MORN1: variants seen among roughly 807,000 people sequenced by gnomAD.
MORN1 encodes the protein MORN repeat containing 1, also known as MORN repeat-containing protein 1.
MORN1 carries 67 observed loss-of-function variants against 61.9 expected under a neutral mutation model. The observed-to-expected ratio is 1.08, with a 90% confidence interval of 0.89 to 1.33. The LOEUF is 1.33. Ranked by LOEUF, MORN1 falls within the 40% of genes most tolerant of loss-of-function variation. The pLI, the probability that MORN1 is intolerant of heterozygous loss-of-function variation, is 0.00. For missense variants in MORN1, 752 were observed against 691.2 expected (o/e 1.09, Z -0.99); for synonymous variants, 301 against 292.0 (o/e 1.03, Z -0.31).
At chr1:2,374,874 C>T (rs1642200552) in intron 6 of MORN1, 2 of 295,092 alleles carry the variant, frequency 6.8e-6, no homozygotes, top group Non-Finnish European at 1.3e-5. Context: ...AAAAAAAATC[C>T]TTTTAATACA....
intron 10 of MORN1, among the ~76,000 whole-genome samples, chr1:2,347,660 G>T (rs1256543900): frequency 6.6e-6 from 1 of 152,160 alleles, no homozygotes; most frequent in Admixed American, 6.5e-5. Flanking sequence ...CCCCACCGTG[G>T]CTGCCCGTGC....
chr1:2,349,562 A>G (rs1641602071), intron 10 of MORN1, among the ~76,000 whole-genome samples: 1 of 152,214 alleles, frequency 6.6e-6, no homozygotes, highest in South Asian at 2.1e-4. Flanking sequence ...TGATTCCTAG[A>G]AAAAGAATTT....
At chr1:2,385,319 A>C in intron 5 of MORN1, 2 of 540,400 alleles carry the variant, frequency 3.7e-6, no homozygotes, top group East Asian at 3.2e-5. Context: ...CGCTACTCAA[A>C]ATGGGAAATG....
rs183676222 is a variant in MORN1, at chr1:2,355,339, G to C, written c.1036+2093C>G. On this transcript the variant is annotated intron_variant, in intron 10 of 13. Transcript: ENST00000378531. Reference sequence around the variant, plus strand: ...CCTTGGCCTCCCGTGGAGTGGCGCCGGGCCCTGCTGCCCCACCTGGGATGC... The same window carrying C: ...CCTTGGCCTCCCGTGGAGTGGCGCCCGGCCCTGCTGCCCCACCTGGGATGC... 547 of 1,514,794 alleles carry C rather than the reference G, an allele frequency of 3.6e-4. 7 individuals are homozygous for C. The East Asian group carries it at 0.01, about 29-fold the overall frequency. The allele number at this position is 1,514,794 out of a possible 1,614,324, so 93.8% of individuals were successfully genotyped here.
At chr1:2,325,032 T>A (rs72642143) in intron 12 of MORN1, among the ~76,000 whole-genome samples, 21,385 of 150,578 alleles carry the variant, frequency 0.14, 3,398 homozygotes, top group African/African-American at 0.39. Flanking sequence ...TGGCTCTGTG[T>A]GGACACCCAC....
chr1:2,341,451 G>A (rs12745300), intron 10 of MORN1, among the ~76,000 whole-genome samples: 30,300 of 152,180 alleles, frequency 0.2, 3,480 homozygotes, highest in Non-Finnish European at 0.27. Context: ...CCAGCACTTC[G>A]GGAGGCCAAA....
intron 13 of MORN1, chr1:2,322,982 C>T (rs903659183): frequency 1.0e-6 from 1 of 985,470 alleles, no homozygotes; most frequent in Non-Finnish European, 1.2e-6. Context: ...CATGGCTTAG[C>T]CCCAAGTGGC....
At chr1:2,385,521 G>A in intron 5 of MORN1, 1 of 324,390 alleles carries the variant, frequency 3.1e-6, no homozygotes. Flanking sequence ...TTTGCCGCCA[G>A]CCTGACGTTC....
At chr1:2,345,397 C>G (rs1373766533) in intron 10 of MORN1, among the ~76,000 whole-genome samples, 1 of 152,252 alleles carries the variant, frequency 6.6e-6, no homozygotes, top group East Asian at 1.9e-4. Context: ...TTGGGGGACA[C>G]AGGACAATTC....
chr1:2,345,516 C>T (rs1641493788), intron 10 of MORN1, among the ~76,000 whole-genome samples: 1 of 152,212 alleles, frequency 6.6e-6, no homozygotes, highest in African/African-American at 2.4e-5. Context: ...GCCCTGCCAG[C>T]CGGACCCTCA....
chr1:2,363,805 CA>C (rs1553217338), intron 8 of MORN1, among the ~76,000 whole-genome samples: 75 of 124,888 alleles, frequency 6.0e-4, no homozygotes, highest in East Asian at 3.9e-3. Flanking sequence ...AACAAACAAA[CA>C]AAAAAATATA....
At chr1:2,369,355 GAAAA>G (rs55703845) in intron 8 of MORN1, among the ~76,000 whole-genome samples, 3 of 80,634 alleles carry the variant, frequency 3.7e-5, no homozygotes, top group Non-Finnish European at 4.5e-5. Context: ...CTCAGTCTCA[GAAAA>G]AAAAAAAAAA....
At chr1:2,340,797 G>A (rs550027033) in intron 10 of MORN1, among the ~76,000 whole-genome samples, 5 of 151,984 alleles carry the variant, frequency 3.3e-5, no homozygotes, top group Admixed American at 1.3e-4. Flanking sequence ...CGCAGGGCAC[G>A]ATGAGGGCCG....
At chr1:2,374,606 TG>T in intron 6 of MORN1, 49 bp from the exon 7 acceptor site, 1 of 1,516,962 alleles carries the variant, frequency 6.6e-7, no homozygotes, top group Non-Finnish European at 9.0e-7. Flanking sequence ...AAGGGGCTTT[TG>T]TGGGTCCCCG....
intron 7 of MORN1, 59 bp downstream of exon 7, chr1:2,374,402 G>A (rs1156984681): frequency 1.4e-6 from 2 of 1,462,202 alleles, no homozygotes; most frequent in East Asian, 2.5e-5. Context: ...CTGCCCGGGG[G>A]CCAGGGACAC....
In MORN1 at chr1:2,389,914, A is replaced by G. The variant is rs1485993932; in HGVS notation, c.148+11T>C. On this transcript the variant is annotated intron_variant, in intron 2 of 13. Coordinates refer to ENST00000378531, the MANE Select transcript of MORN1 (RefSeq NM_024848.3). Reference sequence around the variant, plus strand: ...CAGCAGCTGCAAGAAGAGACCACAGATGCTTCTCACCGTGCTTCCTCCCTG... The same window carrying G: ...CAGCAGCTGCAAGAAGAGACCACAGGTGCTTCTCACCGTGCTTCCTCCCTG... 1 of 1,613,108 alleles carries G rather than the reference A, an allele frequency of 6.2e-7. No homozygotes were observed. The highest frequency in any genetic ancestry group is 1.3e-5 in the African/African-American group (1 of 74,930).
intron 1 of MORN1, among the ~76,000 whole-genome samples, 171 bp from the exon 2 acceptor site, chr1:2,390,167 T>C (rs984267355): frequency 7.2e-5 from 11 of 152,190 alleles, no homozygotes; most frequent in Non-Finnish European, 8.8e-5. Context: ...CTGTCGACTG[T>C]TGGGCCATTC....
At position 2,388,240 on chromosome 1, in the gene MORN1, T is replaced by G; in HGVS notation, c.246A>C (p.Ser82=). 1 of 1,613,288 alleles carries G rather than the reference T, an allele frequency of 6.2e-7. No individual in the cohort carries two copies. The highest frequency in any genetic ancestry group is 8.5e-7 in the Non-Finnish European group (1 of 1,179,552). Residue 82 remains serine, a splice_region_variant and synonymous_variant, in exon 3 of 14, where the codon TCA becomes TCC. Transcript: ENST00000378531. ...TGEGRRHWAW[S]GDTFSGQFVL... ...TGTGCCATCCCAGCTAGAGCTCACC[T>G]GACCAGGCCCAGTGCCGGCGGCCTT...
chr1:2,359,070 G>A (rs914750744), intron 8 of MORN1, among the ~76,000 whole-genome samples: 1 of 152,148 alleles, frequency 6.6e-6, no homozygotes, highest in Non-Finnish European at 1.5e-5. Context: ...CACACTATGG[G>A]AAGGCATCTC....
Sources: allele counts gnomAD v4.1 joint callset (sites outside exome capture counted in the v4.1 genomes callset), GRCh38; gene constraint gnomAD v4.1.1; transcripts MANE v1.5; gene names NCBI Gene and HGNC (gene_info 2026-07-23, HGNC 2026-07-21).